Variants in TRABD2B observed in about 807,000 individuals in gnomAD.
TRABD2B encodes the protein TraB domain containing 2B, also known as metalloprotease TIKI2.
In TRABD2B, 14 loss-of-function variants were observed where a neutral mutation model predicts 40.1. That is an observed-to-expected ratio of 0.35 (90% CI 0.23 to 0.55). The LOEUF (loss-of-function observed/expected upper bound fraction) is 0.55, where lower values mean the gene tolerates loss of function less well. Among genes scored for constraint, TRABD2B ranks in the 20% least tolerant of loss-of-function variants. The probability of loss-of-function intolerance (pLI) is 0.90; values close to 1 mark genes in which losing one functional copy is unlikely to be tolerated. For missense variants in TRABD2B, 541 were observed against 648.6 expected, an observed-to-expected ratio of 0.83 and a Z score of 1.80; for synonymous variants, 263 against 277.0, an observed-to-expected ratio of 0.95 and a Z score of 0.50.
chr1:47,854,685 G>C (rs559309633), intron 2 of TRABD2B, among the ~76,000 whole-genome samples: 1 of 152,324 alleles, frequency 6.6e-6, no homozygotes, highest in Non-Finnish European at 1.5e-5. Flanking sequence ...TTTAGAGCAA[G>C]TAAAGCTGAA....
intron 4 of TRABD2B, among the ~76,000 whole-genome samples, chr1:47,789,418 G>A (rs1644640293): frequency 6.6e-6 from 1 of 152,018 alleles, no homozygotes; most frequent in Non-Finnish European, 1.5e-5. Context: ...AATCAATAAG[G>A]GCCTCTTCTC....
chr1:47,818,672 G>C (rs1051307464), intron 2 of TRABD2B: 1 of 152,254 alleles, frequency 6.6e-6, no homozygotes, highest in Non-Finnish European at 1.5e-5. Context: ...GGCCAGGCAG[G>C]AGGCTGTCCC....
intron 2 of TRABD2B, among the ~76,000 whole-genome samples, chr1:47,909,475 A>G (rs1458514021): frequency 2.7e-5 from 2 of 75,306 alleles, no homozygotes; most frequent in East Asian, 4.3e-4. Flanking sequence ...AAGGGGAAGG[A>G]GAAGGAGAAG....
chr1:47,901,564 A>AC (rs1373285103), intron 2 of TRABD2B, among the ~76,000 whole-genome samples: 1 of 152,114 alleles, frequency 6.6e-6, no homozygotes, highest in Non-Finnish European at 1.5e-5. Flanking sequence ...CACCTCCCTG[A>AC]CTTAACTCAT....
intron 2 of TRABD2B, among the ~76,000 whole-genome samples, chr1:47,964,176 G>A (rs1000873574): frequency 1.3e-5 from 2 of 152,108 alleles, no homozygotes; most frequent in South Asian, 4.1e-4. Flanking sequence ...TAGATTTAAC[G>A]AGCCAATTTG....
At chr1:47,962,069 T>C (rs568877749) in intron 2 of TRABD2B, among the ~76,000 whole-genome samples, 3 of 152,234 alleles carry the variant, frequency 2.0e-5, no homozygotes, top group Admixed American at 6.5e-5. Context: ...TGTAGGGACA[T>C]GGATGAAGCT....
At chr1:47,995,411 G>A (rs1358819500) in intron 1 of TRABD2B, among the ~76,000 whole-genome samples, 1 of 152,054 alleles carries the variant, frequency 6.6e-6, no homozygotes, top group African/African-American at 2.4e-5. Context: ...TACTTTCCAG[G>A]CTCCTCCCCT....
chr1:47,961,275 G>C (rs959507018), intron 2 of TRABD2B, among the ~76,000 whole-genome samples: 4 of 152,092 alleles, frequency 2.6e-5, no homozygotes, highest in African/African-American at 9.7e-5. Context: ...GAAAACCTAC[G>C]CAATACCATT....
chr1:47,788,373 G>A (rs1644625308), intron 4 of TRABD2B, among the ~76,000 whole-genome samples: 1 of 152,298 alleles, frequency 6.6e-6, no homozygotes, highest in Middle Eastern at 3.4e-3. Context: ...TGGGGTCTGC[G>A]GCACTCTAGC....
chr1:47,855,281 G>A (rs1375077138), intron 2 of TRABD2B, among the ~76,000 whole-genome samples: 2 of 152,110 alleles, frequency 1.3e-5, no homozygotes, highest in African/African-American at 2.4e-5. Flanking sequence ...TGTTTCACAT[G>A]TTTTTTAAAA....
intron 2 of TRABD2B, among the ~76,000 whole-genome samples, chr1:47,984,296 T>A (rs1645885573): frequency 6.6e-6 from 1 of 152,232 alleles, no homozygotes; most frequent in Admixed American, 6.5e-5. Flanking sequence ...TCCGCCTGTG[T>A]CGCTGCCTGA....
chr1:47,984,877 G>C lies in TRABD2B; in HGVS notation c.666+9157C>G, dbSNP rs531675318. Among the ~76,000 whole-genome samples, 249 of 152,078 alleles carry C rather than the reference G, an allele frequency of 1.6e-3. 1 individual carries two copies. Among genetic ancestry groups the C allele is most frequent in the African/African-American group, 5.7e-3 (237 of 41,460 alleles). ...GATGCTGTGTCCCCTACCAAGAAAG[G>C]AAGCACCTGGGCAACAGCAACGTTC... On this transcript the variant is annotated intron_variant, in intron 2 of 6. Transcript: ENST00000606738.
chr1:47,975,522 G>A (rs898374503), intron 2 of TRABD2B, among the ~76,000 whole-genome samples: 4 of 152,162 alleles, frequency 2.6e-5, no homozygotes, highest in African/African-American at 7.2e-5. Flanking sequence ...TGGTTCACCC[G>A]AAACTGAACC....
intron 2 of TRABD2B, among the ~76,000 whole-genome samples, chr1:47,973,816 T>C (rs1160102928): frequency 6.6e-6 from 1 of 152,186 alleles, no homozygotes; most frequent in Non-Finnish European, 1.5e-5. Flanking sequence ...TTTAAAAATT[T>C]AATTAGGCCG....
chr1:47,814,307 T>C (rs902299824), intron 2 of TRABD2B, among the ~76,000 whole-genome samples: 2 of 152,154 alleles, frequency 1.3e-5, no homozygotes, highest in Non-Finnish European at 2.9e-5. Flanking sequence ...CTACGGACAA[T>C]GGGATGCCAC....
chr1:47,947,912 T>C (rs1261733180), intron 2 of TRABD2B, among the ~76,000 whole-genome samples: 8 of 152,170 alleles, frequency 5.3e-5, no homozygotes, highest in Non-Finnish European at 1.0e-4. Context: ...GCTCCAGGCC[T>C]AGACCTGATT....
At chr1:47,851,690 C>G (rs1346358110) in intron 2 of TRABD2B, among the ~76,000 whole-genome samples, 2 of 152,208 alleles carry the variant, frequency 1.3e-5, no homozygotes, top group Non-Finnish European at 2.9e-5. Context: ...CCCCACTTCC[C>G]AGGGCCACTG....
intron 2 of TRABD2B, among the ~76,000 whole-genome samples, chr1:47,907,817 G>GAGCT (rs1332421162): frequency 6.6e-6 from 1 of 152,098 alleles, no homozygotes; most frequent in African/African-American, 2.4e-5. Context: ...TGAAAGAACT[G>GAGCT]AGCTTTAACT....
At chr1:47,787,777 C>CATTG (rs1208836052) in intron 4 of TRABD2B, among the ~76,000 whole-genome samples, 1 of 147,526 alleles carries the variant, frequency 6.8e-6, no homozygotes, top group East Asian at 1.9e-4. Context: ...TTGGTGCATT[C>CATTG]ATTCATTCAT....
Sources: allele counts gnomAD v4.1 joint callset (sites outside exome capture counted in the v4.1 genomes callset), GRCh38; gene constraint gnomAD v4.1.1; transcripts MANE v1.5; gene names NCBI Gene and HGNC (gene_info 2026-07-23, HGNC 2026-07-21).